NOL10: variants seen among roughly 807,000 people sequenced by gnomAD.
The protein encoded by NOL10 is H_NH0074G24.1.
A neutral mutation model predicts 103.5 loss-of-function variants in NOL10; 58 were observed. The observed-to-expected ratio is 0.56, with a 90% CI of 0.45 to 0.70. The LOEUF (loss-of-function observed/expected upper bound fraction) is 0.70. NOL10 is among the 30% of genes least tolerant of loss of function. NOL10 has a pLI of 0.00. For synonymous variants in NOL10, 287 were observed against 282.5 expected (o/e 1.02, Z -0.16); for missense variants, 763 against 807.3 (o/e 0.95, Z 0.67).
intron 2 of NOL10, among the ~76,000 whole-genome samples, chr2:10,682,448 GGAGTGCAGTGGCACAA>G (rs966526266): frequency 6.8e-6 from 1 of 147,186 alleles, no homozygotes; most frequent in Non-Finnish European, 1.5e-5. Flanking sequence ...CACCCAGACT[GGAGTGCAGTGGCACAA>G]TCATGGCTCA....
At chr2:10,657,314 C>CAA (rs555233664) in intron 11 of NOL10, among the ~76,000 whole-genome samples, 4 of 139,878 alleles carry the variant, frequency 2.9e-5, no homozygotes, top group South Asian at 2.3e-4. Context: ...CAAACTCTCT[C>CAA]AAAAAAAAAA....
chr2:10,637,875 T>C (rs1313334583), intron 13 of NOL10, among the ~76,000 whole-genome samples: 18 of 152,240 alleles, frequency 1.2e-4, no homozygotes, highest in African/African-American at 4.1e-4. Context: ...AAGAGTACTT[T>C]CCAAATTTTA....
At chr2:10,591,855 TAGTC>T (rs1271706141) in intron 17 of NOL10, among the ~76,000 whole-genome samples, 2 of 151,906 alleles carry the variant, frequency 1.3e-5, no homozygotes, top group African/African-American at 2.4e-5. Flanking sequence ...TATAAAAAAT[TAGTC>T]AGGCGTGGTG....
At chr2:10,616,199 T>A (rs1440771325) in intron 13 of NOL10, among the ~76,000 whole-genome samples, 9 of 147,874 alleles carry the variant, frequency 6.1e-5, no homozygotes, top group African/African-American at 1.7e-4. Flanking sequence ...AAACTACCAG[T>A]GGACAACACC....
intron 13 of NOL10, among the ~76,000 whole-genome samples, chr2:10,643,270 A>C (rs184470680): frequency 3.3e-5 from 5 of 152,204 alleles, no homozygotes; most frequent in Non-Finnish European, 5.9e-5. Context: ...GTGAAAATAC[A>C]TAACTGAGCA....
chr2:10,657,511 C>G (rs1322015309), intron 11 of NOL10, among the ~76,000 whole-genome samples: 1 of 149,540 alleles, frequency 6.7e-6, no homozygotes, highest in African/African-American at 2.5e-5. Context: ...ATCTAAAATG[C>G]ATGCCAATTC....
chr2:10,577,209 A>C (rs1350291392), intron 20 of NOL10, among the ~76,000 whole-genome samples: 2 of 152,208 alleles, frequency 1.3e-5, no homozygotes, highest in African/African-American at 4.8e-5. Flanking sequence ...AGAACTCGCC[A>C]ATTCCCGGTC....
chr2:10,689,641 C>T lies in NOL10; in HGVS notation c.66+155G>A, dbSNP rs1682484345. Among the ~76,000 whole-genome samples the T allele has an allele frequency of 2.0e-5, 3 of 152,252 alleles. 1 individual carries two copies. The highest frequency in any genetic ancestry group is 1.3e-4 in the Admixed American group (2 of 15,292). Reference sequence around the variant, plus strand: ...CCTTGTCTCCCAATGCCGACACCTCCCCCGGAAATTGTCAGCCGCCTCTGG... The same window carrying T: ...CCTTGTCTCCCAATGCCGACACCTCTCCCGGAAATTGTCAGCCGCCTCTGG... On this transcript the variant is annotated intron_variant, in intron 1 of 20. Transcript: ENST00000381685.
chr2:10,575,152 C>T (rs1387698154), intron 20 of NOL10, among the ~76,000 whole-genome samples: 3 of 152,200 alleles, frequency 2.0e-5, no homozygotes, highest in Non-Finnish European at 4.4e-5. Context: ...ACATTTGTAT[C>T]AGCAACAGTC....
rs1371772628 is a variant in NOL10 at position 10,596,484 on chromosome 2, AGGAG to A, written c.1422+4365_1422+4368del. On this transcript the variant is annotated intron_variant, in intron 17 of 20. Coordinates refer to ENST00000381685, the MANE Select transcript of NOL10 (RefSeq NM_024894.4). The stretch of plus-strand genomic sequence containing the variant: ...GATCATCAGGCATTAGATTCTCATA[AGGAG>A]CTCGCAACCTAGATCCCTCGCATGC... Among the ~76,000 whole-genome samples, 5 of 152,300 alleles carry A rather than the reference AGGAG, an allele frequency of 3.3e-5. No individual in the cohort carries two copies. In the South Asian group the frequency reaches 8.3e-4, roughly 25 times the overall value.
In NOL10 at chr2:10,628,654, G is replaced by A. The variant is rs117929482; in HGVS notation, c.1026+15666C>T. Among the ~76,000 whole-genome samples, 19 of 152,240 alleles carry A rather than the reference G, an allele frequency of 1.2e-4. No individual in the cohort carries two copies. In the East Asian group the frequency reaches 3.5e-3, roughly 28 times the overall value. On this transcript the variant is annotated intron_variant, in intron 13 of 20. Transcript: ENST00000381685. ...GAAAGGCCCGTCAGAATTTCCATCT[G>A]GTGTTAGAATAGGACCAGATACAGC...
chr2:10,585,762 G>C (rs6730247), intron 19 of NOL10, among the ~76,000 whole-genome samples: 52,300 of 152,026 alleles, frequency 0.34, 9,422 homozygotes, highest in Non-Finnish European at 0.4. Flanking sequence ...TAAATTATCT[G>C]TAGATTACTT....
intron 14 of NOL10, among the ~76,000 whole-genome samples, chr2:10,605,382 T>C (rs1323135197): frequency 6.6e-6 from 1 of 152,238 alleles, no homozygotes; most frequent in East Asian, 1.9e-4. Context: ...GGGAAGTTCA[T>C]TACTTACTTC....
chr2:10,679,484 C>A (rs1288875031), intron 3 of NOL10, among the ~76,000 whole-genome samples: 2 of 152,026 alleles, frequency 1.3e-5, no homozygotes, highest in Non-Finnish European at 2.9e-5. Flanking sequence ...ATGAGTGAAA[C>A]CCTGTCTCAA....
chr2:10,587,267 ATATATATATTT>A (rs1675153760), intron 19 of NOL10, among the ~76,000 whole-genome samples: 1 of 23,238 alleles, frequency 4.3e-5, no homozygotes, highest in Admixed American at 5.1e-4. Context: ...ACACATATAT[ATATATATATTT>A]TTTTTTTTTT....
At position 10,603,120 on chromosome 2, in the gene NOL10, T is replaced by C. The variant is rs192480550; in HGVS notation, c.1191A>G (p.Ala397=). ...TATCCATGAAAAACCCATGCATATA[T>C]GCCCGGAGGAAAGGAGATCCAATGA... The part of the protein sequence containing the change: ...THLIGSPFLR[A]YMHGFFMDIR... The change falls in exon 15 of 21, where the codon GCA becomes GCG. Residue 397 remains alanine, a synonymous_variant. Coordinates refer to ENST00000381685, the MANE Select transcript of NOL10 (RefSeq NM_024894.4). The C allele has an allele frequency of 8.7e-5, 140 of 1,611,950 alleles. 1 individual carries two copies. The East Asian group carries it at 2.1e-3, about 25-fold the overall frequency.
chr2:10,588,001 T>G (rs147223093), intron 19 of NOL10, among the ~76,000 whole-genome samples: 2 of 152,246 alleles, frequency 1.3e-5, no homozygotes, highest in Non-Finnish European at 2.9e-5. Context: ...CCCCAGACAT[T>G]CCACTATTCT....
intron 17 of NOL10, among the ~76,000 whole-genome samples, chr2:10,597,156 T>C (rs1675736041): frequency 6.6e-6 from 1 of 152,180 alleles, no homozygotes. Context: ...CTAGAATTAA[T>C]GCAACCAAAA....
chr2:10,651,491 A>T (rs114665346), intron 12 of NOL10, among the ~76,000 whole-genome samples: 1 of 152,262 alleles, frequency 6.6e-6, no homozygotes, highest in African/African-American at 2.4e-5. Context: ...TTCAACATGT[A>T]ATTAATAGAA....
Sources: gnomAD v4.1 joint callset for allele counts (sites outside exome capture counted in the v4.1 genomes callset) on GRCh38, gnomAD v4.1.1 for gene constraint, MANE v1.5 for transcripts, NCBI Gene and HGNC (gene_info 2026-07-23, HGNC 2026-07-21) for gene names.